Variants in NCALD observed in about 807,000 individuals in gnomAD.
NCALD encodes neurocalcin delta, also known as neurocalcin-delta.
In NCALD, 10 loss-of-function variants were observed where a neutral mutation model predicts 18.6. The ratio of observed to expected loss-of-function variants is 0.54; its 90% CI spans 0.33 to 0.91. The LOEUF (loss-of-function observed/expected upper bound fraction) is 0.91, where lower values mean the gene tolerates loss of function less well. Among genes scored for constraint, NCALD ranks in the 40% least tolerant of loss-of-function variants. The pLI is 0.03. For synonymous variants in NCALD, 88 were observed against 87.4 expected (o/e 1.01, Z -0.04); for missense variants, 184 against 247.6 (o/e 0.74, Z 1.72).
At chr8:101,745,083 A>G (rs1486743544) in intron 1 of NCALD, among the ~76,000 whole-genome samples, 1 of 151,962 alleles carries the variant, frequency 6.6e-6, no homozygotes, top group Non-Finnish European at 1.5e-5. Context: ...AACGTCCTTG[A>G]TAAAGCAGTA....
chr8:102,081,984 G>C (rs1824553979), intron 1 of NCALD, among the ~76,000 whole-genome samples: 1 of 152,114 alleles, frequency 6.6e-6, no homozygotes, highest in Admixed American at 6.5e-5. Flanking sequence ...GAAAAGAGCA[G>C]AGTTGAGTGT....
chr8:101,997,219 G>A (rs1003280420), intron 2 of NCALD, among the ~76,000 whole-genome samples: 16 of 152,086 alleles, frequency 1.1e-4, no homozygotes, highest in African/African-American at 2.9e-4. Context: ...ACTTTTTGAC[G>A]TTTTAACTTA....
At chr8:101,924,739 A>G (rs893314917) in intron 2 of NCALD, among the ~76,000 whole-genome samples, 8 of 152,212 alleles carry the variant, frequency 5.3e-5, no homozygotes, top group African/African-American at 1.9e-4. Flanking sequence ...TCTGAACAGC[A>G]TGCAATCCAC....
rs567743810 is a variant in NCALD, at chr8:101,847,294, A to G, written c.-20+39847T>C. The G allele has an allele frequency of 4.4e-5, 11 of 251,746 alleles. No individual in the cohort carries two copies. The East Asian group carries it at 1.1e-3, about 26-fold the overall frequency. The allele number at this position is 251,746 out of a possible 1,614,324, so 15.6% of individuals were successfully genotyped here. On this transcript the variant is annotated intron_variant, in intron 4 of 6. Transcript: ENST00000311028. ...ATGTGCCAATGTCGTAACAAGGTTC[A>G]GAGGGTGGCACATCTCACACACGCA...
At chr8:102,058,453 T>C (rs1460880008) in intron 1 of NCALD, among the ~76,000 whole-genome samples, 1 of 152,216 alleles carries the variant, frequency 6.6e-6, no homozygotes, top group African/African-American at 2.4e-5. Flanking sequence ...GTGGGCACCA[T>C]TCATTTTTCC....
At chr8:101,879,562 G>C (rs1413160425) in intron 4 of NCALD, among the ~76,000 whole-genome samples, 1 of 152,196 alleles carries the variant, frequency 6.6e-6, no homozygotes, top group Non-Finnish European at 1.5e-5. Flanking sequence ...CCACCACTGT[G>C]TGGTGGGACC....
intron 4 of NCALD, among the ~76,000 whole-genome samples, chr8:101,875,037 A>C (rs1211253949): frequency 3.9e-5 from 6 of 152,238 alleles, no homozygotes; most frequent in Non-Finnish European, 8.8e-5. Flanking sequence ...TTGACAACAT[A>C]ACTGCATAAT....
intron 2 of NCALD, among the ~76,000 whole-genome samples, chr8:101,943,449 A>T (rs1819035621): frequency 6.6e-6 from 1 of 152,186 alleles, no homozygotes; most frequent in African/African-American, 2.4e-5. Context: ...AGAGGCATTT[A>T]CTTTCTATGA....
chr8:101,794,391 G>A (rs887728960), upstream of NCALD, among the ~76,000 whole-genome samples: 14 of 152,056 alleles, frequency 9.2e-5, no homozygotes, highest in African/African-American at 2.9e-4. Flanking sequence ...ATAGGGAAGA[G>A]AGCCTCTCTC....
At position 101,915,221 on chromosome 8, in the gene NCALD, G is replaced by C. The variant is rs181403880; in HGVS notation, c.-107+588C>G. On this transcript the variant is annotated intron_variant, in intron 3 of 6. Coordinates refer to the NCALD transcript ENST00000311028. ...AGCCAAAATTGAACCCAAGTATCTG[G>C]ATCCATATTTGGAGCTAACCACATT... 1.5e-3 allele frequency among the ~76,000 whole-genome samples: 222 copies of C among 152,274 alleles called. 1 individual carries two copies. Among genetic ancestry groups the C allele is most frequent in the Non-Finnish European group, 2.1e-4 (14 of 68,012 alleles).
intron 2 of NCALD, among the ~76,000 whole-genome samples, chr8:102,008,931 C>A (rs1234152585): frequency 2.7e-5 from 3 of 110,210 alleles, no homozygotes; most frequent in Non-Finnish European, 5.8e-5. Flanking sequence ...CACACACACA[C>A]ACACACACAC....
At chr8:101,731,566 G>C (rs1816833454) in intron 1 of NCALD, among the ~76,000 whole-genome samples, 1 of 152,186 alleles carries the variant, frequency 6.6e-6, no homozygotes, top group Non-Finnish European at 1.5e-5. Context: ...AGACATGTGA[G>C]TTTGGCATTT....
chr8:102,074,558 CA>C (rs1824280839), intron 1 of NCALD, among the ~76,000 whole-genome samples: 1 of 152,128 alleles, frequency 6.6e-6, no homozygotes, highest in South Asian at 2.1e-4. Flanking sequence ...TTTTGTGCCC[CA>C]AACCCAGACT....
intron 4 of NCALD, among the ~76,000 whole-genome samples, chr8:101,837,424 T>C (rs1179019296): frequency 6.8e-6 from 1 of 146,702 alleles, no homozygotes; most frequent in African/African-American, 2.5e-5. Flanking sequence ...TTTACAACAT[T>C]TGGATATCTA....
intron 1 of NCALD, chr8:101,789,091 C>G (rs563885681): frequency 6.6e-6 from 1 of 152,264 alleles, no homozygotes; most frequent in South Asian, 2.1e-4. Context: ...GTCATAGAGA[C>G]AGCACCAAGA....
chr8:102,074,860 G>A (rs1189254513), intron 1 of NCALD, among the ~76,000 whole-genome samples: 1 of 152,104 alleles, frequency 6.6e-6, no homozygotes, highest in African/African-American at 2.4e-5. Context: ...ATTCAGCTGT[G>A]ACTTTTTAAT....
chr8:101,948,233 GAT>G, intron 2 of NCALD, among the ~76,000 whole-genome samples: 1 of 152,328 alleles, frequency 6.6e-6, no homozygotes, highest in Middle Eastern at 3.4e-3. Flanking sequence ...ATTGGCCCAA[GAT>G]ATAAAGAAAC....
At chr8:101,820,638 C>T (rs1813683210) in intron 4 of NCALD, among the ~76,000 whole-genome samples, 1 of 152,034 alleles carries the variant, frequency 6.6e-6, no homozygotes, top group Non-Finnish European at 1.5e-5. Flanking sequence ...GTAATATGTG[C>T]CCTGTTAAGG....
chr8:101,869,938 C>G lies in NCALD; in HGVS notation c.-20+17203G>C, dbSNP rs764218309. On this transcript the variant is annotated intron_variant, in intron 4 of 6. Coordinates refer to the NCALD transcript ENST00000311028. ...TTTATTGGGGCTTGATTTCATGTAT[C>G]TTTTTGACAAGCTTCAAACCAAATT... Among the ~76,000 whole-genome samples, 72 of 152,110 alleles carry G rather than the reference C, an allele frequency of 4.7e-4. 1 individual carries two copies. Among genetic ancestry groups the G allele is most frequent in the Non-Finnish European group, 9.4e-4 (64 of 67,998 alleles).
Sources: allele counts gnomAD v4.1 joint callset (sites outside exome capture counted in the v4.1 genomes callset), GRCh38; gene constraint gnomAD v4.1.1; transcripts MANE v1.5; gene names NCBI Gene and HGNC (gene_info 2026-07-23, HGNC 2026-07-21).